LAMC3: variants seen among roughly 807,000 people sequenced by gnomAD.
LAMC3 encodes the protein laminin subunit gamma-3.
A neutral mutation model predicts 173.8 loss-of-function variants in LAMC3; 128 were observed. The ratio of observed to expected loss-of-function variants is 0.74; its 90% CI spans 0.64 to 0.85. The LOEUF (loss-of-function observed/expected upper bound fraction) is 0.85. Ranked by LOEUF, LAMC3 falls within the 40% of genes least tolerant of loss-of-function variation. LAMC3 has a pLI of 0.00. For missense variants in LAMC3, 2,022 were observed against 2,156.0 expected (o/e 0.94, Z 1.23); for synonymous variants, 897 against 909.1 (o/e 0.99, Z 0.24).
At chr9:131,044,691 C>T (rs1338768282) in intron 7 of LAMC3, among the ~76,000 whole-genome samples, 1 of 152,202 alleles carries the variant, frequency 6.6e-6, no homozygotes, top group Non-Finnish European at 1.5e-5. Flanking sequence ...GAGAAGGGTA[C>T]TTCACCTCTG....
chr9:131,084,346 GTC>G (rs1175637556), intron 24 of LAMC3, among the ~76,000 whole-genome samples: 2 of 151,872 alleles, frequency 1.3e-5, no homozygotes, highest in Non-Finnish European at 2.9e-5. Flanking sequence ...GAGTAGCTAG[GTC>G]TATAGGTGTG....
chr9:131,066,633 C>G (rs1829938208), intron 13 of LAMC3, among the ~76,000 whole-genome samples: 1 of 152,016 alleles, frequency 6.6e-6, no homozygotes, highest in South Asian at 2.1e-4. Context: ...GTGATGATAG[C>G]CACCACTCCT....
chr9:131,040,215 T>C (rs1834024135), intron 6 of LAMC3, among the ~76,000 whole-genome samples: 1 of 151,818 alleles, frequency 6.6e-6, no homozygotes, highest in African/African-American at 2.4e-5. Context: ...TCCTCCTCTG[T>C]CACCCAGGCT....
chr9:131,068,065 C>T lies in LAMC3; in HGVS notation c.2594-13C>T, dbSNP rs752139262. The stretch of plus-strand genomic sequence containing the variant: ...GCATTGTTCCCAACACCCCTTCCTG[C>T]TCCTGCCCCCAGCTTGCAGCTGTCA... On this transcript the variant is annotated splice_polypyrimidine_tract_variant and intron_variant, in intron 14 of 27. Coordinates refer to ENST00000361069, the MANE Select transcript of LAMC3 (RefSeq NM_006059.4). The T allele has an allele frequency of 1.2e-6, 2 of 1,608,518 alleles. No homozygotes were observed. The highest frequency in any genetic ancestry group is 2.2e-5 in the East Asian group (1 of 44,880).
chr9:131,072,384 C>T (rs895852341), intron 18 of LAMC3, among the ~76,000 whole-genome samples: 6 of 152,150 alleles, frequency 3.9e-5, no homozygotes, highest in Non-Finnish European at 8.8e-5. Flanking sequence ...TCCAGAAGGC[C>T]TGGGTCTCTC....
At chr9:131,014,472 A>G (rs1588135185) in intron 1 of LAMC3, among the ~76,000 whole-genome samples, 2 of 152,184 alleles carry the variant, frequency 1.3e-5, no homozygotes, top group African/African-American at 4.8e-5. Flanking sequence ...AGGCCTGCCC[A>G]CGCATCCTTG....
intron 7 of LAMC3, among the ~76,000 whole-genome samples, chr9:131,044,660 T>A (rs1037647910): frequency 2.6e-5 from 4 of 152,356 alleles, no homozygotes; most frequent in Middle Eastern, 3.4e-3. Flanking sequence ...GTGGGTTTCC[T>A]GTGCCCCCAT....
At chr9:131,041,163 T>TA (rs1196290506) in intron 6 of LAMC3, among the ~76,000 whole-genome samples, 1 of 151,966 alleles carries the variant, frequency 6.6e-6, no homozygotes, top group Admixed American at 6.6e-5. Flanking sequence ...GGTCACGAGT[T>TA]AAAGACCAGT....
intron 1 of LAMC3, among the ~76,000 whole-genome samples, chr9:131,020,774 G>A (rs1833609989): frequency 6.6e-6 from 1 of 152,170 alleles, no homozygotes; most frequent in South Asian, 2.1e-4. Flanking sequence ...CGAGAAGGAG[G>A]TGATTCACCA....
chr9:131,009,176 G>A lies in LAMC3; in HGVS notation c.-39G>A, dbSNP rs533170505. The A allele has an allele frequency of 8.0e-4, 941 of 1,170,294 alleles. 8 individuals carry two copies. In the African/African-American group the frequency reaches 0.014, roughly 17 times the overall value. The allele number at this position is 1,170,294 out of a possible 1,614,324, so 72.5% of individuals were successfully genotyped here. ...CGCGGTCCGCGCCCACCCTAGCCGA[G>A]CGGGGCCGGCAGAGCGCGCGGCGTC... On this transcript the variant is annotated 5_prime_UTR_variant, in exon 1 of 28. Transcript: ENST00000361069. This position sits in a 1 kb window ranked among gnomAD's most constrained non-coding sequence, Gnocchi z 4.3.
intron 18 of LAMC3, 23 bp from the exon 19 acceptor site, chr9:131,072,607 C>T: frequency 1.3e-6 from 2 of 1,595,238 alleles, no homozygotes; most frequent in Non-Finnish European, 1.7e-6. Context: ...CTTTGTGACC[C>T]CTGGGCTGTG....
intron 7 of LAMC3, among the ~76,000 whole-genome samples, chr9:131,044,273 A>G (rs1015983771): frequency 1.3e-5 from 2 of 150,504 alleles, no homozygotes; most frequent in African/African-American, 2.4e-5. Flanking sequence ...GCACTTTGGG[A>G]GGCCGAGGTG....
rs1833791974 is a variant in LAMC3, at chr9:131,029,654, G to A, written c.679-2391G>A. Among the ~76,000 whole-genome samples, 1 of 152,218 alleles carries A rather than the reference G, an allele frequency of 6.6e-6. No individual in the cohort carries two copies. The highest frequency in any genetic ancestry group is 2.1e-4 in the South Asian group (1 of 4,832). ...GGCAGGTGCTTTCTCAGAGGACACA[G>A]AGCTTGGAAGGAAGGATGTGGCTGC... is the stretch of plus-strand genomic sequence containing the variant. On this transcript the variant is annotated intron_variant, in intron 2 of 27. Coordinates refer to ENST00000361069, the MANE Select transcript of LAMC3 (RefSeq NM_006059.4). The surrounding 1 kb of genome is among the most constrained non-coding windows in gnomAD (Gnocchi z 4.6).
chr9:131,069,814 G>A lies in LAMC3; in HGVS notation c.3033G>A (p.Gln1011=). ...FFLTADGTHC[Q]QCPSCYALVK... The stretch of plus-strand genomic sequence containing the variant: ...TCACGGCAGACGGCACACACTGCCA[G>A]CAATGTCCGTCCTGCTACGCCCTGG... The change falls in exon 17 of 28, where the codon CAG becomes CAA. Residue 1011 remains glutamine (Q), a synonymous_variant. Transcript: ENST00000361069. 2 of 1,594,698 alleles carry A rather than the reference G, an allele frequency of 1.3e-6. No homozygotes were observed. The highest frequency in any genetic ancestry group is 2.3e-5 in the East Asian group (1 of 44,200).
intron 22 of LAMC3, among the ~76,000 whole-genome samples, chr9:131,078,643 G>A (rs186417610): frequency 6.6e-6 from 1 of 152,338 alleles, no homozygotes; most frequent in Admixed American, 6.5e-5. Flanking sequence ...TTGAGCCCAG[G>A]TTCTGCTTCC....
In LAMC3 at chr9:131,039,341, C is replaced by G. The variant is rs907851780; in HGVS notation, c.1283+93C>G. 3.8e-6 allele frequency: 4 copies of G among 1,041,486 alleles called. No homozygotes were observed. The East Asian group carries it at 9.7e-5, about 25-fold the overall frequency. 64.5% of individuals were successfully genotyped at this position (1,041,486 alleles called of 1,614,324 possible). On this transcript the variant is annotated intron_variant, in intron 6 of 27. Coordinates refer to ENST00000361069, the MANE Select transcript of LAMC3 (RefSeq NM_006059.4). ...GTCAGCAGTCCCTCCCCTCCCCATC[C>G]CTTCCTGTCTGCAGCTACCTCGCCC...
rs3739510 is a variant in LAMC3, at chr9:131,061,184, C to G, written c.2308C>G (p.Arg770Gly). Reference sequence around the variant, plus strand: ...GGCCTGTACGACCATCCCAGAGAGCCGGGAGGTGGTGTGTACCCACTGCCC... The same window carrying G: ...GGCCTGTACGACCATCCCAGAGAGCGGGGAGGTGGTGTGTACCCACTGCCC... ...QSACTTIPESREVVCTHCPPG... is the reference protein window; with the variant it reads ...QSACTTIPESGEVVCTHCPPG... The change falls in exon 13 of 28, where the codon CGG (arginine) becomes GGG (glycine). Residue 770 changes from arginine (R) to glycine (G), a missense_variant. Coordinates refer to ENST00000361069, the MANE Select transcript of LAMC3 (RefSeq NM_006059.4). The G allele has an allele frequency of 0.81, 1,310,346 of 1,610,598 alleles. 536,363 individuals carry two copies. The highest frequency in any genetic ancestry group is 0.95 in the African/African-American group (71,271 of 75,042).
rs1230741917 is a variant in LAMC3 at position 131,087,728 on chromosome 9, G to T, written c.4388G>T (p.Gly1463Val). The T allele has an allele frequency of 6.2e-7, 1 of 1,614,122 alleles. No individual in the cohort carries two copies. The highest frequency in any genetic ancestry group is 1.3e-5 in the African/African-American group (1 of 75,064). The change falls in exon 27 of 28, where the codon GGG becomes GTG. Residue 1463 changes from glycine to valine, a missense_variant. Coordinates refer to ENST00000361069, the MANE Select transcript of LAMC3 (RefSeq NM_006059.4). The stretch of plus-strand genomic sequence containing the variant: ...TCCTCCCCCTGAAAGGTGGGTGCTG[G>T]GCTGAGCGAGATGGAGCAGCAGATC... ...ELEEAERVGA[G>V]LSEMEQQIRE...
Position 131,069,001 on chromosome 9 carries a change from T to C in LAMC3, c.2841T>C (p.Cys947=), listed in dbSNP as rs767066584. The change falls in exon 16 of 28, where the codon TGT becomes TGC. Residue 947 remains cysteine (C), a synonymous_variant. Transcript: ENST00000361069. ...TCRPGVTGQA[C]DRCQLGFFGF... Reference sequence around the variant, plus strand: ...GCCCAGGTGTCACAGGCCAGGCCTGTGACAGGTGCCAGCTGGGTTTCTTCG... The same window carrying C: ...GCCCAGGTGTCACAGGCCAGGCCTGCGACAGGTGCCAGCTGGGTTTCTTCG... The C allele has an allele frequency of 1.1e-5, 18 of 1,613,894 alleles. No homozygotes were observed. The highest frequency in any genetic ancestry group is 3.4e-6 in the Non-Finnish European group (4 of 1,180,006).
Sources: allele counts gnomAD v4.1 joint callset (sites outside exome capture counted in the v4.1 genomes callset), GRCh38; gene constraint gnomAD v4.1.1; non-coding constraint Gnocchi (gnomAD v3.1); transcripts MANE v1.5; gene names NCBI Gene and HGNC (gene_info 2026-07-23, HGNC 2026-07-21).